Variants in MARCHF10 observed in about 807,000 individuals in gnomAD.
The protein encoded by MARCHF10 is probable E3 ubiquitin-protein ligase MARCHF10.
Under a neutral mutation model 76.2 loss-of-function variants are expected in MARCHF10, and 64 were observed. The ratio of observed to expected loss-of-function variants is 0.84; its 90% CI spans 0.69 to 1.03. The LOEUF (loss-of-function observed/expected upper bound fraction) is 1.03, where lower values mean the gene tolerates loss of function less well. Among genes scored for constraint, MARCHF10 ranks in the 50% least tolerant of loss-of-function variants. MARCHF10 has a pLI of 0.00. For synonymous variants in MARCHF10, 340 were observed against 357.5 expected (o/e 0.95, Z 0.55); for missense variants, 875 against 958.0 (o/e 0.91, Z 1.14).
At chr17:62,754,476 T>G (rs6504121) in intron 4 of MARCHF10, among the ~76,000 whole-genome samples, 78,194 of 151,546 alleles carry the variant, frequency 0.52, 21,196 homozygotes, top group East Asian at 0.7. Context: ...GGAGGAGGGT[T>G]CATAAGCAGC....
chr17:62,776,764 G>A (rs2092561629), intron 3 of MARCHF10, among the ~76,000 whole-genome samples: 2 of 152,110 alleles, frequency 1.3e-5, no homozygotes, highest in African/African-American at 4.8e-5. Context: ...TGAGTCCTGG[G>A]TCAACTTCAG....
chr17:62,728,546 T>C (rs561391342), intron 6 of MARCHF10, among the ~76,000 whole-genome samples: 8 of 152,080 alleles, frequency 5.3e-5, no homozygotes, highest in African/African-American at 1.9e-4. Flanking sequence ...ACAAGGAAAA[T>C]AAGTCAGCTG....
At chr17:62,757,436 AACTGTCACG>A (rs2092077893) in intron 4 of MARCHF10, among the ~76,000 whole-genome samples, 1 of 152,254 alleles carries the variant, frequency 6.6e-6, no homozygotes, top group Admixed American at 6.5e-5. Context: ...AACAGCAGAA[AACTGTCACG>A]ACTGCCACTG....
At chr17:62,701,947 GC>G (rs2089266891) in intron 10 of MARCHF10, among the ~76,000 whole-genome samples, 189 bp from the exon 11 acceptor site, 1 of 152,154 alleles carries the variant, frequency 6.6e-6, no homozygotes, top group Non-Finnish European at 1.5e-5. Flanking sequence ...TCCACAGACT[GC>G]CCCATTGGGG....
At chr17:62,724,652 T>G (rs2090661414) in intron 7 of MARCHF10, among the ~76,000 whole-genome samples, 1 of 152,160 alleles carries the variant, frequency 6.6e-6, no homozygotes, top group Non-Finnish European at 1.5e-5. Flanking sequence ...TGCTCAGGCC[T>G]CAAGCAGAGG....
At chr17:62,727,291 TAAAAG>T (rs2090804961) in intron 6 of MARCHF10, among the ~76,000 whole-genome samples, 1 of 152,096 alleles carries the variant, frequency 6.6e-6, no homozygotes, top group Non-Finnish European at 1.5e-5. Flanking sequence ...TTTTAACAAA[TAAAAG>T]TGAAGAAGAG....
At chr17:62,728,607 G>T (rs924553022) in intron 6 of MARCHF10, among the ~76,000 whole-genome samples, 4 of 152,102 alleles carry the variant, frequency 2.6e-5, no homozygotes, top group Admixed American at 6.5e-5. Flanking sequence ...ATTCTCAGGA[G>T]GATTCAGAGA....
chr17:62,737,003 C>G lies in MARCHF10; in HGVS notation c.865G>C (p.Asp289His). 6.2e-7 allele frequency: 1 copy of G among 1,614,130 alleles called. No homozygotes were observed. Among genetic ancestry groups the G allele is most frequent in the Non-Finnish European group, 8.5e-7 (1 of 1,180,018 alleles). Residue 289 changes from aspartate (D) to histidine (H), a missense_variant, in exon 6 of 11, where the codon GAT becomes CAT. Physicochemically the swap from Asp to His is moderately conservative, Grantham distance 81 (BLOSUM62 -1). Coordinates refer to ENST00000311269, the MANE Select transcript of MARCHF10 (RefSeq NM_152598.4). ...ILSLNSRRESDDTEEETQSEE... is the reference protein window; with the variant it reads ...ILSLNSRRESHDTEEETQSEE... ...GACTGGGTTTCCTCTTCAGTGTCAT[C>G]GCTTTCTCTTCTGCTGTTCAATGAC...
chr17:62,732,992 C>CAAAAAAAAAAAAAAAAAAA (rs398041783), intron 6 of MARCHF10, among the ~76,000 whole-genome samples: 1 of 66,534 alleles, frequency 1.5e-5, no homozygotes, highest in Admixed American at 1.8e-4. Context: ...GACTCAGTCT[C>CAAAAAAAAAAAAAAAAAAA]AAAAAAAAAA....
chr17:62,788,701 C>T (rs1225998937), intron 2 of MARCHF10, 102 bp from the exon 3 acceptor site: 42 of 1,439,946 alleles, frequency 2.9e-5, no homozygotes, highest in Non-Finnish European at 3.8e-5. Flanking sequence ...AAATGATATG[C>T]ATCTCCAGGT....
In MARCHF10 at chr17:62,711,129, C is replaced by T; in HGVS notation, c.2328+102G>A. 1.1e-6 allele frequency: 1 copy of T among 894,706 alleles called. No individual in the cohort carries two copies. The highest frequency in any genetic ancestry group is 1.8e-6 in the Non-Finnish European group (1 of 546,082). 55.4% of individuals were successfully genotyped at this position (894,706 alleles called of 1,614,324 possible). The stretch of plus-strand genomic sequence containing the variant: ...CTAACAATGATAGTCCCATATCCTC[C>T]CAAGCGACCGTGAGGACCTCAACAG... On this transcript the variant is annotated intron_variant, in intron 9 of 10. Coordinates refer to ENST00000311269, the MANE Select transcript of MARCHF10 (RefSeq NM_152598.4). The surrounding 1 kb of genome is among the most constrained non-coding windows in gnomAD (Gnocchi z 4.4).
At chr17:62,791,508 G>T (rs144952208) in intron 2 of MARCHF10, among the ~76,000 whole-genome samples, 1 of 152,326 alleles carries the variant, frequency 6.6e-6, no homozygotes, top group Admixed American at 6.5e-5. Context: ...AGGGGAGGAA[G>T]AATAGATTGG....
chr17:62,773,531 C>T (rs1452567097), intron 3 of MARCHF10, among the ~76,000 whole-genome samples: 1 of 152,054 alleles, frequency 6.6e-6, no homozygotes, highest in Non-Finnish European at 1.5e-5. Context: ...TAAGGAAGGG[C>T]TGTTCTGTTC....
chr17:62,793,212 C>CATT (rs2092904795), intron 2 of MARCHF10, among the ~76,000 whole-genome samples: 1 of 144,572 alleles, frequency 6.9e-6, no homozygotes, highest in Non-Finnish European at 1.5e-5. Flanking sequence ...CCACCACCAC[C>CATT]ACCACCTCCA....
chr17:62,737,564 G>A, intron 5 of MARCHF10: 1 of 523,436 alleles, frequency 1.9e-6, no homozygotes, highest in Non-Finnish European at 3.3e-6. Flanking sequence ...GGGGGACCCT[G>A]AGGATACAGA....
chr17:62,763,952 C>T (rs868623628), intron 3 of MARCHF10, among the ~76,000 whole-genome samples: 10 of 152,102 alleles, frequency 6.6e-5, no homozygotes, highest in Non-Finnish European at 1.5e-4. Flanking sequence ...CAGGGCTACG[C>T]GCTTTCAAAA....
intron 4 of MARCHF10, among the ~76,000 whole-genome samples, chr17:62,752,386 G>T (rs1256411666): frequency 6.6e-6 from 1 of 152,136 alleles, no homozygotes; most frequent in African/African-American, 2.4e-5. Context: ...GGGTCCCCAG[G>T]TGCTTCCTGG....
chr17:62,792,715 TCACCAC>T (rs1221657949), intron 2 of MARCHF10, among the ~76,000 whole-genome samples: 2 of 59,434 alleles, frequency 3.4e-5, no homozygotes, highest in African/African-American at 1.2e-4. Flanking sequence ...ACTACAACCA[TCACCAC>T]CACCACCACC....
chr17:62,777,735 A>G (rs1031278642), intron 3 of MARCHF10, among the ~76,000 whole-genome samples: 8 of 151,442 alleles, frequency 5.3e-5, no homozygotes, highest in Non-Finnish European at 8.9e-5. Flanking sequence ...AAAGAAAAAA[A>G]AAAAGAAAAG....
Sources: gnomAD v4.1 joint callset for allele counts (sites outside exome capture counted in the v4.1 genomes callset) on GRCh38, gnomAD v4.1.1 for gene constraint, Gnocchi (gnomAD v3.1) non-coding constraint, MANE v1.5 for transcripts, NCBI Gene and HGNC (gene_info 2026-07-23, HGNC 2026-07-21) for gene names.